Variants in ARHGAP12 observed in about 807,000 individuals in gnomAD.
The protein encoded by ARHGAP12 is Rho GTPase activating protein 12.
In ARHGAP12, 64 loss-of-function variants were observed where a neutral mutation model predicts 108.6. The ratio of observed to expected loss-of-function variants is 0.59; its 90% CI spans 0.48 to 0.73. The LOEUF (loss-of-function observed/expected upper bound fraction) is 0.73, where lower values mean the gene tolerates loss of function less well. ARHGAP12 is among the 30% of genes least tolerant of loss of function. ARHGAP12 has a pLI of 0.00. For synonymous variants in ARHGAP12, 312 were observed against 337.2 expected (o/e 0.93, Z 0.82); for missense variants, 940 against 1,005.9 (o/e 0.93, Z 0.89).
chr10:31,924,503 G>A (rs372227000), intron 1 of ARHGAP12, among the ~76,000 whole-genome samples: 1 of 152,168 alleles, frequency 6.6e-6, no homozygotes, highest in Non-Finnish European at 1.5e-5. Context: ...GTAGCCTTCT[G>A]TGTCTGACAT....
At chr10:31,926,595 C>T (rs866880308) in intron 1 of ARHGAP12, among the ~76,000 whole-genome samples, 13 of 152,300 alleles carry the variant, frequency 8.5e-5, no homozygotes, top group Middle Eastern at 3.4e-3. Flanking sequence ...AATATTAGTA[C>T]TACTGTTTAA....
intron 3 of ARHGAP12, among the ~76,000 whole-genome samples, chr10:31,890,453 T>C (rs978713746): frequency 6.6e-6 from 1 of 152,192 alleles, no homozygotes; most frequent in Non-Finnish European, 1.5e-5. Context: ...GCAGAAATCA[T>C]AAGTACTAAA....
intron 1 of ARHGAP12, among the ~76,000 whole-genome samples, chr10:31,911,766 T>C (rs1385743240): frequency 6.6e-6 from 1 of 152,208 alleles, no homozygotes; most frequent in Non-Finnish European, 1.5e-5. Context: ...ACCTACGTTA[T>C]ATTCTTGTCA....
intron 3 of ARHGAP12, among the ~76,000 whole-genome samples, chr10:31,870,476 C>T (rs140109219): frequency 0.091 from 13,803 of 152,048 alleles, 764 homozygotes; most frequent in Middle Eastern, 0.13. Flanking sequence ...ATGATCCACC[C>T]GCCTCAGCCT....
Position 31,908,727 on chromosome 10 carries a change from C to A in ARHGAP12, c.129G>T (p.Val43=). 6.2e-7 allele frequency: 1 copy of A among 1,614,122 alleles called. No individual in the cohort carries two copies. Among genetic ancestry groups the A allele is most frequent in the Non-Finnish European group, 8.5e-7 (1 of 1,180,018 alleles). The part of the protein sequence containing the change: ...VIKQGERYIL[V]KKTNDDWWQV... Reference sequence around the variant, plus strand: ...GCCACCAGTCATCATTGGTCTTTTTCACCAAGATGTACCTCTCCCCTTGTT... The same window carrying A: ...GCCACCAGTCATCATTGGTCTTTTTAACCAAGATGTACCTCTCCCCTTGTT... Residue 43 remains valine, a synonymous_variant, in exon 3 of 20, where the codon GTG becomes GTT. Transcript: ENST00000344936.
chr10:31,873,670 T>C (rs1237586363), intron 3 of ARHGAP12, among the ~76,000 whole-genome samples: 4 of 152,190 alleles, frequency 2.6e-5, no homozygotes, highest in Non-Finnish European at 5.9e-5. Flanking sequence ...AAGACCCCTT[T>C]CTCAAGCCCT....
rs572331222 is a variant in ARHGAP12 at position 31,881,252 on chromosome 10, G to A, written c.685-19594C>T. The stretch of plus-strand genomic sequence containing the variant: ...ATCAAATATAATATACATGTAATGG[G>A]CAGTATCATGTTAAAAAAAAACAAA... On this transcript the variant is annotated intron_variant, in intron 3 of 19. Coordinates refer to ENST00000344936, the MANE Select transcript of ARHGAP12 (RefSeq NM_018287.7). Among the ~76,000 whole-genome samples, 6 of 151,802 alleles carry A rather than the reference G, an allele frequency of 4.0e-5. No homozygotes were observed. The South Asian group carries it at 1.3e-3, about 32-fold the overall frequency.
intron 3 of ARHGAP12, among the ~76,000 whole-genome samples, chr10:31,863,095 T>C (rs1837191823): frequency 1.3e-5 from 2 of 152,312 alleles, no homozygotes; most frequent in South Asian, 4.1e-4. Context: ...ATGGTCACTG[T>C]TGGTCTTCTT....
intron 3 of ARHGAP12, 83 bp from the exon 4 acceptor site, chr10:31,861,741 A>T: frequency 7.6e-7 from 1 of 1,315,648 alleles, no homozygotes; most frequent in Non-Finnish European, 1.0e-6. Context: ...AGATTTATAA[A>T]CAATACTAAC....
chr10:31,901,213 C>CA (rs59882437), intron 3 of ARHGAP12, among the ~76,000 whole-genome samples: 22,283 of 118,132 alleles, frequency 0.19, 1,965 homozygotes, highest in African/African-American at 0.24. Flanking sequence ...GAATCCGTCT[C>CA]AAAAAAAAAA....
At chr10:31,924,430 C>A (rs1037627039) in intron 1 of ARHGAP12, among the ~76,000 whole-genome samples, 2 of 152,152 alleles carry the variant, frequency 1.3e-5, no homozygotes, top group Non-Finnish European at 2.9e-5. Flanking sequence ...GATGGTATCA[C>A]ATTAATCACT....
intron 3 of ARHGAP12, among the ~76,000 whole-genome samples, chr10:31,884,092 C>T (rs1253329369): frequency 4.0e-5 from 4 of 99,642 alleles, no homozygotes; most frequent in Non-Finnish European, 8.1e-5. Flanking sequence ...TATGTTTACA[C>T]CTAAAAAAAA....
Position 31,908,244 on chromosome 10 carries a change from T to A in ARHGAP12, c.612A>T (p.Glu204Asp), listed in dbSNP as rs1403231092. 13 of 1,613,896 alleles carry A rather than the reference T, an allele frequency of 8.1e-6. No individual in the cohort carries two copies. The highest frequency in any genetic ancestry group is 1.0e-5 in the Non-Finnish European group (12 of 1,180,020). The change falls in exon 3 of 20, where the codon GAA (glutamate) becomes GAT (aspartate). Residue 204 changes from glutamate to aspartate, a missense_variant. Glu to Asp is a conservative substitution (Grantham distance 45). Transcript: ENST00000344936. ...AATCTTGATGTATTCTTTCAGAGCC[T>A]TCTCCTGCGGAATCACAAGATTGTT... ...SQEQSCDSAGEGSERIHQDSE... is the reference protein window; with the variant it reads ...SQEQSCDSAGDGSERIHQDSE...
chr10:31,905,729 G>A (rs1839107612), intron 3 of ARHGAP12, among the ~76,000 whole-genome samples: 1 of 152,140 alleles, frequency 6.6e-6, no homozygotes, highest in Non-Finnish European at 1.5e-5. Flanking sequence ...TATGTGAAAT[G>A]TGGGAAGAGT....
chr10:31,857,166 GAA>G (rs905211332), intron 4 of ARHGAP12, among the ~76,000 whole-genome samples: 4 of 152,100 alleles, frequency 2.6e-5, no homozygotes, highest in African/African-American at 4.8e-5. Flanking sequence ...TGAAGGGAGA[GAA>G]AGAAATAAAG....
At chr10:31,901,760 A>G (rs1838937611) in intron 3 of ARHGAP12, among the ~76,000 whole-genome samples, 1 of 150,572 alleles carries the variant, frequency 6.6e-6, no homozygotes, top group Admixed American at 6.6e-5. Context: ...GCTCTAGGGA[A>G]GAATTCCCTC....
intron 11 of ARHGAP12, among the ~76,000 whole-genome samples, chr10:31,825,536 G>A (rs1471864214): frequency 6.6e-6 from 1 of 152,056 alleles, no homozygotes; most frequent in Non-Finnish European, 1.5e-5. Context: ...CCTGCCACTT[G>A]GTAGCTGTAA....
intron 3 of ARHGAP12, among the ~76,000 whole-genome samples, chr10:31,878,910 C>A (rs1837835537): frequency 6.6e-6 from 1 of 152,210 alleles, no homozygotes; most frequent in Non-Finnish European, 1.5e-5. Context: ...GTTCTTCATT[C>A]TTCCAAAGTA....
intron 11 of ARHGAP12, among the ~76,000 whole-genome samples, chr10:31,825,483 A>G (rs1329181241): frequency 6.6e-6 from 1 of 152,196 alleles, no homozygotes; most frequent in African/African-American, 2.4e-5. Context: ...AAATAGCCAG[A>G]GCATGGATTC....
Sources: gnomAD v4.1 joint callset for allele counts (sites outside exome capture counted in the v4.1 genomes callset) on GRCh38, gnomAD v4.1.1 for gene constraint, MANE v1.5 for transcripts, NCBI Gene and HGNC (gene_info 2026-07-23, HGNC 2026-07-21) for gene names.